The following TENM3 variants were observed in gnomAD, a reference collection of about 807,000 sequenced individuals.
The protein encoded by TENM3 is teneurin-3.
In TENM3, 63 loss-of-function variants were observed where a neutral mutation model predicts 255.1. The observed-to-expected ratio is 0.25, with a 90% CI of 0.20 to 0.30. TENM3 has a LOEUF of 0.30. TENM3 is among the 10% of genes least tolerant of loss of function. The probability of loss-of-function intolerance (pLI) is 1.00; values close to 1 mark genes in which losing one functional copy is unlikely to be tolerated. For missense variants in TENM3, 2,929 were observed against 3,461.1 expected (o/e 0.85, Z 3.86); for synonymous variants, 1,306 against 1,322.3 (o/e 0.99, Z 0.27).
chr4:182,595,568 G>T (rs1514480), intron 3 of TENM3, among the ~76,000 whole-genome samples: 94,628 of 151,892 alleles, frequency 0.62, 31,231 homozygotes, highest in Non-Finnish European at 0.74. Flanking sequence ...ATTCAACATA[G>T]TGAATAAAAA....
At chr4:182,736,334 A>C (rs1761160946) in intron 16 of TENM3, among the ~76,000 whole-genome samples, 2 of 152,236 alleles carry the variant, frequency 1.3e-5, no homozygotes, top group Admixed American at 1.3e-4. Context: ...CCTAGACTGC[A>C]TCCCTGTTCT....
chr4:182,468,078 AC>A (rs2151433195), intron 3 of TENM3, among the ~76,000 whole-genome samples: 1 of 152,222 alleles, frequency 6.6e-6, no homozygotes, highest in Non-Finnish European at 1.5e-5. Context: ...ATTTATGAAA[AC>A]CTTTTGCCAG....
the TENM3 span, among the ~76,000 whole-genome samples, chr4:181,479,768 A>C: frequency 6.6e-6 from 1 of 152,186 alleles, no homozygotes; most frequent in Admixed American, 6.5e-5. Context: ...AAAGATTGAA[A>C]TGTAAAATAA....
intron 3 of TENM3, among the ~76,000 whole-genome samples, chr4:182,436,882 G>T (rs1457452638): frequency 6.6e-6 from 1 of 152,134 alleles, no homozygotes; most frequent in African/African-American, 2.4e-5. Flanking sequence ...GCCAGGCGTG[G>T]TGGTGGGCAC....
chr4:182,060,619 C>T, the TENM3 span, among the ~76,000 whole-genome samples: 1 of 152,146 alleles, frequency 6.6e-6, no homozygotes, highest in Non-Finnish European at 1.5e-5. Context: ...GACCCCCGGT[C>T]TATGGGTTAC....
the TENM3 span, among the ~76,000 whole-genome samples, chr4:181,676,788 T>C: frequency 6.6e-6 from 1 of 152,116 alleles, no homozygotes; most frequent in African/African-American, 2.4e-5. Context: ...CAACACACCC[T>C]GTTTTATGTG....
the TENM3 span, among the ~76,000 whole-genome samples, chr4:181,922,270 C>T: frequency 9.2e-5 from 14 of 152,124 alleles, no homozygotes; most frequent in South Asian, 2.9e-3. Context: ...GGGAGGATTC[C>T]CTCTTTTTCT....
At chr4:182,251,034 T>C (rs1219268635) in intron 1 of TENM3, among the ~76,000 whole-genome samples, 2 of 152,208 alleles carry the variant, frequency 1.3e-5, no homozygotes, top group Non-Finnish European at 2.9e-5. Flanking sequence ...TTCCCACCAA[T>C]CAGCAGAGCC....
the TENM3 span, among the ~76,000 whole-genome samples, chr4:181,640,431 T>C: frequency 1.3e-5 from 2 of 152,182 alleles, no homozygotes; most frequent in African/African-American, 4.8e-5. Context: ...GCTTTCATGA[T>C]GTAGGGATTG....
At chr4:181,872,262 A>G in the TENM3 span, among the ~76,000 whole-genome samples, 1 of 151,198 alleles carries the variant, frequency 6.6e-6, no homozygotes, top group Non-Finnish European at 1.5e-5. Context: ...ATATTTATAT[A>G]TCTATAAAGT....
intron 3 of TENM3, among the ~76,000 whole-genome samples, chr4:182,542,662 G>A (rs186715092): frequency 2.0e-4 from 30 of 152,078 alleles, no homozygotes; most frequent in Admixed American, 5.9e-4. Context: ...TCACCCCAGC[G>A]TTCCGTGTAC....
At chr4:182,563,513 C>T (rs1276575210) in intron 3 of TENM3, among the ~76,000 whole-genome samples, 1 of 152,058 alleles carries the variant, frequency 6.6e-6, no homozygotes, top group Non-Finnish European at 1.5e-5. Flanking sequence ...ATATAATTCA[C>T]TTTCACTTTT....
chr4:182,305,626 T>C (rs1762090082), intron 1 of TENM3, among the ~76,000 whole-genome samples: 1 of 152,240 alleles, frequency 6.6e-6, no homozygotes, highest in South Asian at 2.1e-4. Flanking sequence ...GTCCTTCCGA[T>C]GTGTGTCCCA....
chr4:182,721,826 CTAGT>C (rs754203135), intron 13 of TENM3, among the ~76,000 whole-genome samples: 2 of 152,196 alleles, frequency 1.3e-5, no homozygotes, highest in East Asian at 1.9e-4. Context: ...TTCCTAATTA[CTAGT>C]TAGATTGATG....
intron 3 of TENM3, among the ~76,000 whole-genome samples, chr4:182,558,224 A>C (rs1742771866): frequency 6.6e-6 from 1 of 151,986 alleles, no homozygotes; most frequent in Admixed American, 6.5e-5. Flanking sequence ...CAAGTGATGC[A>C]CTCCTAATGA....
the TENM3 span, among the ~76,000 whole-genome samples, chr4:181,962,126 T>G: frequency 6.6e-6 from 1 of 152,226 alleles, no homozygotes; most frequent in Non-Finnish European, 1.5e-5. Flanking sequence ...CCAGTCAATG[T>G]GTATAGCTCT....
chr4:181,541,786 T>C, the TENM3 span, among the ~76,000 whole-genome samples: 1 of 152,228 alleles, frequency 6.6e-6, no homozygotes, highest in African/African-American at 2.4e-5. Context: ...CCATTCAACA[T>C]AGTTCCTTTA....
At chr4:181,987,946 A>T in the TENM3 span, among the ~76,000 whole-genome samples, 24 of 152,206 alleles carry the variant, frequency 1.6e-4, no homozygotes, top group African/African-American at 5.8e-4. Context: ...GCTGGAGGAA[A>T]GATGAAGGGG....
intron 3 of TENM3, among the ~76,000 whole-genome samples, chr4:182,539,816 T>C (rs1002216232): frequency 1.3e-5 from 2 of 152,218 alleles, no homozygotes; most frequent in Non-Finnish European, 2.9e-5. Flanking sequence ...TGAGGTTGAA[T>C]TTGGGGGAAA....
Sources: allele counts gnomAD v4.1 joint callset (sites outside exome capture counted in the v4.1 genomes callset), GRCh38; gene constraint gnomAD v4.1.1; transcripts MANE v1.5; gene names NCBI Gene and HGNC (gene_info 2026-07-23, HGNC 2026-07-21).